BRCA1: variants seen among roughly 807,000 people sequenced by gnomAD.
The protein encoded by BRCA1 is breast cancer type 1 susceptibility protein.
BRCA1 carries 140 observed loss-of-function variants against 173.7 expected under a neutral mutation model. That is an observed-to-expected ratio of 0.81 (90% confidence interval 0.70 to 0.93). The LOEUF (loss-of-function observed/expected upper bound fraction) is 0.93. Ranked by LOEUF, BRCA1 falls within the 40% of genes least tolerant of loss-of-function variation. BRCA1 has a pLI of 0.00. For synonymous variants in BRCA1, 662 were observed against 756.0 expected (o/e 0.88, Z 2.04); for missense variants, 1,983 against 2,172.5 (o/e 0.91, Z 1.73).
In BRCA1 at chr17:43,141,590, G is replaced by A. The variant is rs190277362; in HGVS notation, c.-19-17475C>T. Reference sequence around the variant, plus strand: ...AGCACTTTGGGAGGCTGAGGCGGGCGGATCACGAGGTCAGGAGATCGAGAC... The same window carrying A: ...AGCACTTTGGGAGGCTGAGGCGGGCAGATCACGAGGTCAGGAGATCGAGAC... On this transcript the variant is annotated intron_variant, in intron 1 of 7. Coordinates refer to the BRCA1 transcript ENST00000634433. Among the ~76,000 whole-genome samples, 104 of 152,086 alleles carry A rather than the reference G, an allele frequency of 6.8e-4. No homozygotes were observed. The Middle Eastern group carries it at 0.014, about 20-fold the overall frequency.
At chr17:43,156,111 C>T (rs1031728052) in intron 1 of BRCA1, among the ~76,000 whole-genome samples, 3 of 152,048 alleles carry the variant, frequency 2.0e-5, no homozygotes, top group Non-Finnish European at 4.4e-5. Flanking sequence ...GTGGCACGCA[C>T]CTGTAGTCCT....
At chr17:43,152,750 G>T (rs2056170359) in intron 1 of BRCA1, among the ~76,000 whole-genome samples, 1 of 152,136 alleles carries the variant, frequency 6.6e-6, no homozygotes, top group Non-Finnish European at 1.5e-5. Flanking sequence ...AGCTACTTGG[G>T]AGGCTGAGGC....
At position 43,094,216 on chromosome 17, in the gene BRCA1, C is replaced by T. The variant is rs1064794098; in HGVS notation, c.1315G>A (p.Ala439Thr). 1 of 1,613,928 alleles carries T rather than the reference C, an allele frequency of 6.2e-7. No individual in the cohort carries two copies. The highest frequency in any genetic ancestry group is 8.5e-7 in the Non-Finnish European group (1 of 1,180,034). Residue 439 changes from alanine (A) to threonine (T), a missense_variant, in exon 10 of 23, where the codon GCT becomes ACT. Ala to Thr is a moderately conservative substitution (Grantham distance 58, BLOSUM62 0). Transcript: ENST00000357654. ...ACTCTTTCACTTTTACATATTAAAGCCTCATGAGGATCACTGGCCAGTAAG... is the reference window on the plus strand; with the variant it reads ...ACTCTTTCACTTTTACATATTAAAGTCTCATGAGGATCACTGGCCAGTAAG... Reference protein sequence around the residue: ...IDLLASDPHEALICKSERVHS... With the variant: ...IDLLASDPHETLICKSERVHS...
intron 12 of BRCA1, among the ~76,000 whole-genome samples, chr17:43,078,088 CTT>C (rs35184764): frequency 3.3e-4 from 47 of 144,342 alleles, no homozygotes; most frequent in South Asian, 4.4e-4. Context: ...TGGTTTCAAA[CTT>C]TTTTTTTTTT....
At chr17:43,145,324 T>G in intron 1 of BRCA1, 1 of 514,784 alleles carries the variant, frequency 1.9e-6, no homozygotes, top group South Asian at 1.8e-5. Context: ...GAATTTTTTT[T>G]CTTTCTTTTT....
chr17:43,055,769 G>C (rs1220364646), intron 19 of BRCA1, among the ~76,000 whole-genome samples: 1 of 152,074 alleles, frequency 6.6e-6, no homozygotes, highest in African/African-American at 2.4e-5. Context: ...CTGGCCAACA[G>C]AATCAGACAA....
rs80357189 is a variant in BRCA1 at position 43,104,183 on chromosome 17, C to G, written c.380G>C (p.Ser127Thr). The G allele has an allele frequency of 1.2e-6, 2 of 1,613,996 alleles. No homozygotes were observed. The highest frequency in any genetic ancestry group is 1.7e-6 in the Non-Finnish European group (2 of 1,179,952). ...TTTGGCACGGTTTCTGTAGCCCATA[C>G]TTTGGATGATAGAAACTTCATCTTT... is the stretch of plus-strand genomic sequence containing the variant. ...HLKDEVSIIQ[S>T]MGYRNRAKRL... Residue 127 changes from serine to threonine, a missense_variant, in exon 6 of 23, where the codon AGT becomes ACT. Transcript: ENST00000357654.
intron 12 of BRCA1, among the ~76,000 whole-genome samples, chr17:43,077,372 C>A (rs2052783459): frequency 6.6e-6 from 1 of 151,768 alleles, no homozygotes. Flanking sequence ...ACTCTGTTGC[C>A]CAAGCTGAAG....
Position 43,093,821 on chromosome 17 carries a change from T to C in BRCA1, c.1710A>G (p.Pro570=), listed in dbSNP as rs876659901. Residue 570 remains proline, a synonymous_variant, in exon 10 of 23, where the codon CCA becomes CCG. Transcript: ENST00000357654. ...DSIQNEKNPN[P]IESLEKESAF... ...CAGATTCTTTTTCGAGTGATTCTAT[T>C]GGGTTAGGATTTTTCTCATTCTGAA... is the stretch of plus-strand genomic sequence containing the variant. 6 of 1,613,424 alleles carry C rather than the reference T, an allele frequency of 3.7e-6. No homozygotes were observed. Among genetic ancestry groups the C allele is most frequent in the Non-Finnish European group, 5.1e-6 (6 of 1,179,868 alleles).
At chr17:43,115,461 C>T (rs955012207) in intron 3 of BRCA1, among the ~76,000 whole-genome samples, 3 of 150,702 alleles carry the variant, frequency 2.0e-5, no homozygotes, top group Admixed American at 1.3e-4. Context: ...AAGATCATGC[C>T]ACTGCACTCC....
intron 6 of BRCA1, among the ~76,000 whole-genome samples, chr17:43,103,454 G>A (rs1046275070): frequency 2.8e-4 from 41 of 147,924 alleles, no homozygotes; most frequent in African/African-American, 8.0e-4. Context: ...GCGACAGAGC[G>A]AGACTCTGTC....
At chr17:43,156,706 T>C (rs1005391337) in intron 1 of BRCA1, among the ~76,000 whole-genome samples, 2 of 152,188 alleles carry the variant, frequency 1.3e-5, no homozygotes, top group Non-Finnish European at 2.9e-5. Flanking sequence ...GATTCAGTTA[T>C]CATACCAGAT....
intron 1 of BRCA1, among the ~76,000 whole-genome samples, chr17:43,152,723 C>T (rs949526191): frequency 7.2e-5 from 11 of 152,042 alleles, no homozygotes; most frequent in African/African-American, 2.2e-4. Flanking sequence ...GGCATAGTGG[C>T]GGACACCTGA....
intron 1 of BRCA1, among the ~76,000 whole-genome samples, chr17:43,141,167 G>A (rs754922477): frequency 3.9e-5 from 6 of 152,156 alleles, no homozygotes; most frequent in Non-Finnish European, 7.3e-5. Flanking sequence ...ATGGGCACCG[G>A]CCTGGGAGAG....
At chr17:43,104,030 C>A (rs2054603234) in intron 6 of BRCA1, 92 bp downstream of exon 6, 1 of 1,482,552 alleles carries the variant, frequency 6.7e-7, no homozygotes, top group South Asian at 1.2e-5. Flanking sequence ...CTGCTTCTAG[C>A]CTGGGCCACA....
chr17:43,096,544 C>T (rs189108346), intron 8 of BRCA1, among the ~76,000 whole-genome samples: 1 of 148,038 alleles, frequency 6.8e-6, no homozygotes, highest in African/African-American at 2.5e-5. Flanking sequence ...TACACTCCAT[C>T]CTGGCAACAG....
intron 1 of BRCA1, among the ~76,000 whole-genome samples, chr17:43,145,672 A>G (rs1365593837): frequency 6.6e-6 from 1 of 152,166 alleles, no homozygotes; most frequent in African/African-American, 2.4e-5. Context: ...CAAGTTTTTT[A>G]GTAGCTCTAG....
rs2050892192 is a variant in BRCA1 at position 43,045,815 on chromosome 17, A to G, written c.5468-13T>C. ...ATCTGCCCAATTGCTGGAGACAGAG[A>G]ACACAAGCAGAGATTAGTGTCAATT... On this transcript the variant is annotated splice_polypyrimidine_tract_variant and intron_variant, in intron 22 of 22. Coordinates refer to ENST00000357654, the MANE Select transcript of BRCA1 (RefSeq NM_007294.4). 6.2e-7 allele frequency: 1 copy of G among 1,614,092 alleles called. No individual in the cohort carries two copies. Among genetic ancestry groups the G allele is most frequent in the African/African-American group, 1.3e-5 (1 of 74,916 alleles).
intron 1 of BRCA1, among the ~76,000 whole-genome samples, chr17:43,142,914 TTGTGTGTGTGTG>T (rs369108034): frequency 1.4e-5 from 2 of 140,704 alleles, no homozygotes; most frequent in African/African-American, 5.3e-5. Context: ...CGGCTAATTT[TTGTGTGTGTGTG>T]TGTGTGTGTG....
Sources: gnomAD v4.1 joint callset for allele counts (sites outside exome capture counted in the v4.1 genomes callset) on GRCh38, gnomAD v4.1.1 for gene constraint, MANE v1.5 for transcripts, NCBI Gene and HGNC (gene_info 2026-07-23, HGNC 2026-07-21) for gene names.